PCBP3: variants seen among roughly 807,000 people sequenced by gnomAD.
The protein encoded by PCBP3 is poly(rC) binding protein 3, also known as poly(rC)-binding protein 3.
In PCBP3, 25 loss-of-function variants were observed where a neutral mutation model predicts 52.7. The ratio of observed to expected loss-of-function variants is 0.47; its 90% CI spans 0.35 to 0.66. The LOEUF is 0.66. Among genes scored for constraint, PCBP3 ranks in the 30% least tolerant of loss-of-function variants. PCBP3 has a pLI of 0.01. For missense variants in PCBP3, 391 were observed against 490.3 expected (o/e 0.80, Z 1.91); for synonymous variants, 162 against 183.0 (o/e 0.89, Z 0.93).
At chr21:45,798,654 A>G (rs538212281) in intron 4 of PCBP3, among the ~76,000 whole-genome samples, 22 of 150,004 alleles carry the variant, frequency 1.5e-4, no homozygotes, top group Non-Finnish European at 2.8e-4. Context: ...GCATGGATCC[A>G]TAGAGAGAGT....
rs534359096 is a variant in PCBP3, at chr21:45,913,891, C to G, written c.601-60C>G. ...TGGGGTGGGCCGGGGCACGCCTCCC[C>G]ATTGCCAGGCTGCGAAGCTGCTCTA... On this transcript the variant is annotated intron_variant, in intron 11 of 17. Transcript: ENST00000681687. 7 of 1,505,864 alleles carry G rather than the reference C, an allele frequency of 4.6e-6. No individual in the cohort carries two copies. The South Asian group carries it at 8.5e-5, about 18-fold the overall frequency. The allele number at this position is 1,505,864 out of a possible 1,614,324, so 93.3% of individuals were successfully genotyped here. A position where few individuals can be genotyped will look rare whatever the true frequency, so the allele number is the denominator to read the frequency against.
intron 4 of PCBP3, among the ~76,000 whole-genome samples, chr21:45,776,421 T>C (rs2090258032): frequency 6.6e-6 from 1 of 152,076 alleles, no homozygotes; most frequent in Non-Finnish European, 1.5e-5. Context: ...CCACTGTTTT[T>C]GTACTTGAGT....
Position 45,847,986 on chromosome 21 carries a change from G to A in PCBP3, c.-125-1975G>A, listed in dbSNP as rs77342177. On this transcript the variant is annotated intron_variant, in intron 4 of 17. Transcript: ENST00000681687. The stretch of plus-strand genomic sequence containing the variant: ...GCTCTGTATCTGGCAGCTTCTCTGC[G>A]CGTCTCTCACCTCTTGGTCAGCCTC... 8.6e-3 allele frequency among the ~76,000 whole-genome samples: 1,305 copies of A among 152,252 alleles called. 22 individuals are homozygous for A. Among genetic ancestry groups the A allele is most frequent in the African/African-American group, 0.03 (1,226 of 41,522 alleles).
In PCBP3 at chr21:45,919,754, G is replaced by A. The variant is rs1355400483; in HGVS notation, c.717+2125G>A. On this transcript the variant is annotated intron_variant, in intron 13 of 17. Coordinates refer to ENST00000681687, the MANE Select transcript of PCBP3 (RefSeq NM_001384156.1). The stretch of plus-strand genomic sequence containing the variant: ...AGCCGGGCTGTGGCCACCACACACC[G>A]GAAGGCACTGTTGGGGCTGCCCCAG... Among the ~76,000 whole-genome samples, 8 of 152,320 alleles carry A rather than the reference G, an allele frequency of 5.3e-5. No individual in the cohort carries two copies. The East Asian group carries it at 5.8e-4, about 11-fold the overall frequency.
chr21:45,700,851 A>C (rs1847347810), intron 2 of PCBP3, among the ~76,000 whole-genome samples: 2 of 151,988 alleles, frequency 1.3e-5, no homozygotes, highest in African/African-American at 4.8e-5. Context: ...CCACCATTTT[A>C]CATCTTCTTA....
At chr21:45,850,163 A>T (rs1272587818) in intron 5 of PCBP3, 68 bp downstream of exon 5, 9 of 1,284,978 alleles carry the variant, frequency 7.0e-6, no homozygotes, top group Non-Finnish European at 1.0e-5. Context: ...AGTCAGACTT[A>T]CCCTTGACAA....
intron 5 of PCBP3, among the ~76,000 whole-genome samples, chr21:45,868,959 C>G (rs2183599): frequency 0.77 from 117,743 of 152,204 alleles, 46,083 homozygotes; most frequent in East Asian, 1. Context: ...TTGGAATTCA[C>G]TAAGAACAAA....
chr21:45,644,836 G>T (rs2079152106), intron 1 of PCBP3, among the ~76,000 whole-genome samples: 1 of 152,138 alleles, frequency 6.6e-6, no homozygotes, highest in South Asian at 2.1e-4. Flanking sequence ...TATTCCTCTG[G>T]CACAGGCCCT....
intron 16 of PCBP3, among the ~76,000 whole-genome samples, chr21:45,939,481 A>G (rs1255830441): frequency 6.6e-6 from 1 of 152,250 alleles, no homozygotes; most frequent in African/African-American, 2.4e-5. Flanking sequence ...AGGCACCCGA[A>G]TGGCCTCAGA....
At chr21:45,688,894 A>G (rs1402390057) in intron 2 of PCBP3, among the ~76,000 whole-genome samples, 1 of 151,932 alleles carries the variant, frequency 6.6e-6, no homozygotes, top group Non-Finnish European at 1.5e-5. Context: ...AAAACAAATT[A>G]CTAAAATTGA....
At chr21:45,905,476 G>A (rs1041635929) in intron 9 of PCBP3, among the ~76,000 whole-genome samples, 1 of 152,242 alleles carries the variant, frequency 6.6e-6, no homozygotes, top group Non-Finnish European at 1.5e-5. Context: ...GGACTGTGCC[G>A]AAGGAGAGAG....
intron 2 of PCBP3, among the ~76,000 whole-genome samples, chr21:45,698,391 C>T (rs377043053): frequency 3.9e-5 from 6 of 152,244 alleles, no homozygotes; most frequent in South Asian, 2.1e-4. Flanking sequence ...TGGGGGCTGT[C>T]GCCCACCAAG....
intron 16 of PCBP3, 163 bp downstream of exon 16, chr21:45,935,468 G>A: frequency 1.4e-6 from 1 of 704,174 alleles, no homozygotes; most frequent in Non-Finnish European, 2.6e-6. Context: ...CCTTTTTAAA[G>A]TGGGTTTAAT....
intron 15 of PCBP3, among the ~76,000 whole-genome samples, chr21:45,933,328 C>T (rs1187318290): frequency 6.6e-6 from 1 of 152,256 alleles, no homozygotes; most frequent in Non-Finnish European, 1.5e-5. Context: ...AACACATTGA[C>T]CATGCTGTCC....
At chr21:45,759,772 T>C (rs1420376078) in intron 4 of PCBP3, 1 of 152,230 alleles carries the variant, frequency 6.6e-6, no homozygotes, top group African/African-American at 2.4e-5. Flanking sequence ...GCCACCAATC[T>C]ACAGTTTCAA....
chr21:45,882,050 G>A (rs2095417377), intron 5 of PCBP3, among the ~76,000 whole-genome samples: 1 of 152,184 alleles, frequency 6.6e-6, no homozygotes, highest in African/African-American at 2.4e-5. Flanking sequence ...TATATGCCCT[G>A]AAGTGAGACT....
intron 4 of PCBP3, among the ~76,000 whole-genome samples, chr21:45,840,604 C>T (rs1175772816): frequency 6.6e-6 from 1 of 152,012 alleles, no homozygotes; most frequent in African/African-American, 2.4e-5. Context: ...ATTTACTCAC[C>T]ACTCACTCAT....
intron 2 of PCBP3, among the ~76,000 whole-genome samples, chr21:45,726,378 G>A (rs2085045334): frequency 6.6e-6 from 1 of 152,150 alleles, no homozygotes; most frequent in African/African-American, 2.4e-5. Context: ...GAGAGGAGCA[G>A]AGGTCCAGGC....
chr21:45,686,426 A>G (rs891221599), intron 2 of PCBP3, among the ~76,000 whole-genome samples: 7 of 152,212 alleles, frequency 4.6e-5, no homozygotes, highest in African/African-American at 1.7e-4. Flanking sequence ...CCACAAGTAA[A>G]TTATCTGCAT....
Sources: allele counts gnomAD v4.1 joint callset (sites outside exome capture counted in the v4.1 genomes callset), GRCh38; gene constraint gnomAD v4.1.1; transcripts MANE v1.5; gene names NCBI Gene and HGNC (gene_info 2026-07-23, HGNC 2026-07-21).